Variants in GNE observed in about 807,000 individuals in gnomAD.
The protein encoded by GNE is glucosamine (UDP-N-acetyl)-2-epimerase/N-acetylmannosamine kinase.
Under a neutral mutation model 61.8 loss-of-function variants are expected in GNE, and 41 were observed. That is an observed-to-expected ratio of 0.66 (90% confidence interval 0.52 to 0.86). GNE has a LOEUF of 0.86. GNE is among the 40% of genes least tolerant of loss of function. GNE has a pLI of 0.00. For missense variants in GNE, 608 were observed against 909.1 expected (o/e 0.67, Z 4.26); for synonymous variants, 264 against 326.4 (o/e 0.81, Z 2.06).
chr9:36,226,924 A>G (rs1329873379), intron 7 of GNE, among the ~76,000 whole-genome samples: 4 of 152,178 alleles, frequency 2.6e-5, no homozygotes, highest in Admixed American at 2.6e-4. Context: ...AGTGATAGTA[A>G]TCAGCATACT....
chr9:36,226,375 G>C (rs896969494), intron 7 of GNE, among the ~76,000 whole-genome samples: 5 of 150,872 alleles, frequency 3.3e-5, no homozygotes, highest in Admixed American at 2.0e-4. Flanking sequence ...GTAGAAACAG[G>C]GTTTCACCAT....
intron 1 of GNE, among the ~76,000 whole-genome samples, chr9:36,257,839 T>TAAAAAAAA (rs1830445148): frequency 2.1e-5 from 2 of 95,898 alleles, no homozygotes; most frequent in African/African-American, 9.9e-5. Context: ...AAAAAAAAAT[T>TAAAAAAAA]GGGGTGAGGG....
Position 36,222,874 on chromosome 9 carries a change from C to T in GNE, c.1536G>A (p.Val512=). ...CACAGTTGCCATCATTGTCTACCCA[C>T]ACAGGGAGATGCAAAGTGTCAGAAA... ...TPLSDTLHLP[V]WVDNDGNCAA... The change falls in exon 9 of 12, where the codon GTG becomes GTA. Residue 512 remains valine (V), a synonymous_variant. Coordinates refer to ENST00000642385, the MANE Select transcript of GNE (RefSeq NM_005476.7). The T allele has an allele frequency of 6.2e-7, 1 of 1,614,180 alleles. No homozygotes were observed. Among genetic ancestry groups the T allele is most frequent in the East Asian group, 2.2e-5 (1 of 44,888 alleles).
At chr9:36,271,206 C>T (rs565567656) in intron 1 of GNE, among the ~76,000 whole-genome samples, 2 of 152,160 alleles carry the variant, frequency 1.3e-5, no homozygotes, top group Admixed American at 1.3e-4. Flanking sequence ...CTTTCTCTAC[C>T]TTTGTATCAT....
At position 36,270,548 on chromosome 9, in the gene GNE, C is replaced by T. The variant is rs535273889; in HGVS notation, c.51+6346G>A. On this transcript the variant is annotated intron_variant, in intron 1 of 11. Transcript: ENST00000396594. Reference sequence around the variant, plus strand: ...TTTTTTTTTTTTTGAGACGGAGTCTCGCTCTTTCGCCCAGGCCGTACTGCA... The same window carrying T: ...TTTTTTTTTTTTTGAGACGGAGTCTTGCTCTTTCGCCCAGGCCGTACTGCA... 1.6e-3 allele frequency among the ~76,000 whole-genome samples: 234 copies of T among 144,500 alleles called. 1 individual carries two copies. The highest frequency in any genetic ancestry group is 5.4e-3 in the African/African-American group (210 of 38,812). 94.8% of individuals were successfully genotyped at this position (144,500 alleles called of 152,430 possible).
At chr9:36,239,831 G>A (rs1036699158) in intron 3 of GNE, among the ~76,000 whole-genome samples, 7 of 151,528 alleles carry the variant, frequency 4.6e-5, no homozygotes, top group African/African-American at 1.7e-4. Context: ...TGACTCCTTG[G>A]TTAGGTATAT....
At chr9:36,262,872 G>A (rs533987450), upstream of GNE, among the ~76,000 whole-genome samples, 3 of 152,218 alleles carry the variant, frequency 2.0e-5, no homozygotes, top group Non-Finnish European at 4.4e-5. Flanking sequence ...AATTCTACCC[G>A]TGTATTTCGT....
Position 36,268,561 on chromosome 9 carries a change from G to A in GNE, c.51+8333C>T, listed in dbSNP as rs577122215. Reference sequence around the variant, plus strand: ...ATGCACCTGGAGTAACTAGCTACTCGGGAGGCTGAGGTGGGAGGATCACCT... The same window carrying A: ...ATGCACCTGGAGTAACTAGCTACTCAGGAGGCTGAGGTGGGAGGATCACCT... On this transcript the variant is annotated intron_variant, in intron 1 of 11. Coordinates refer to the GNE transcript ENST00000396594. 1.3e-4 allele frequency among the ~76,000 whole-genome samples: 20 copies of A among 151,724 alleles called. No homozygotes were observed. The South Asian group carries it at 2.1e-3, about 16-fold the overall frequency.
chr9:36,251,266 G>T (rs990277440), intron 1 of GNE, among the ~76,000 whole-genome samples: 1 of 151,986 alleles, frequency 6.6e-6, no homozygotes, highest in Non-Finnish European at 1.5e-5. Flanking sequence ...TTGCTGCCTC[G>T]CTCTGAGCGT....
intron 3 of GNE, among the ~76,000 whole-genome samples, chr9:36,238,839 T>G (rs902262513): frequency 9.8e-5 from 15 of 152,308 alleles, no homozygotes; most frequent in African/African-American, 3.4e-4. Context: ...GGTTTTCCCA[T>G]GTAATCTTCT....
Position 36,223,432 on chromosome 9 carries a change from T to C in GNE, c.1352A>G (p.Gln451Arg), listed in dbSNP as rs1828698882. ...TTCTGCTGCAGCTTCCACACACATC[T>C]GTAGGATTAAATTAATCCTCTCTTC... is the stretch of plus-strand genomic sequence containing the variant. ...TYEERINLILQMCVEAAAEAV... is the reference protein window; with the variant it reads ...TYEERINLILRMCVEAAAEAV... The change falls in exon 8 of 12, where the codon CAG becomes CGG. Residue 451 changes from glutamine (Q) to arginine (R), a missense_variant. Transcript: ENST00000642385. 1 of 1,610,218 alleles carries C rather than the reference T, an allele frequency of 6.2e-7. No individual in the cohort carries two copies. Among genetic ancestry groups the C allele is most frequent in the African/African-American group, 1.3e-5 (1 of 74,858 alleles).
chr9:36,219,125 C>T (rs994041448), intron 10 of GNE, among the ~76,000 whole-genome samples: 4 of 152,146 alleles, frequency 2.6e-5, no homozygotes, highest in East Asian at 1.9e-4. Flanking sequence ...TCTCTGACTG[C>T]GCTTTTCTAT....
chr9:36,228,032 CAA>C (rs1385568208), intron 6 of GNE, among the ~76,000 whole-genome samples: 1 of 46,900 alleles, frequency 2.1e-5, no homozygotes, highest in Non-Finnish European at 4.8e-5. Flanking sequence ...GACTCCGTCT[CAA>C]AAAAAAAAAA....
At chr9:36,236,456 T>G (rs992091887) in intron 4 of GNE, among the ~76,000 whole-genome samples, 4 of 152,186 alleles carry the variant, frequency 2.6e-5, no homozygotes, top group African/African-American at 9.6e-5. Context: ...TGCCTCGGCC[T>G]CCCAAAGTGC....
chr9:36,219,701 G>A (rs146543087), intron 10 of GNE, 137 bp downstream of exon 10: 63 of 778,382 alleles, frequency 8.1e-5, no homozygotes, highest in African/African-American at 7.5e-4. Flanking sequence ...GTTTTAGTGC[G>A]AGGGAGCCCT....
chr9:36,276,745 G>C, intron 1 of GNE: 1 of 633,908 alleles, frequency 1.6e-6, no homozygotes, highest in Non-Finnish European at 2.7e-6. Flanking sequence ...ACTAAACTGA[G>C]TTAGCAGTAA....
At chr9:36,238,790 T>C (rs1189048595) in intron 3 of GNE, among the ~76,000 whole-genome samples, 3 of 152,222 alleles carry the variant, frequency 2.0e-5, no homozygotes, top group Non-Finnish European at 4.4e-5. Context: ...TTTTGGGTTC[T>C]TGGTCATGAA....
upstream of GNE, among the ~76,000 whole-genome samples, chr9:36,260,117 C>T (rs1034821998): frequency 2.6e-5 from 4 of 151,772 alleles, no homozygotes; most frequent in East Asian, 1.9e-4. Context: ...GGGAAAAAGA[C>T]TCAAGAATGA....
chr9:36,258,984 T>C (rs934967541), upstream of GNE, among the ~76,000 whole-genome samples: 1 of 152,122 alleles, frequency 6.6e-6, no homozygotes. Context: ...CGGCCTCCAC[T>C]ACAGGGAACT....
Sources: gnomAD v4.1 joint callset for allele counts (sites outside exome capture counted in the v4.1 genomes callset) on GRCh38, gnomAD v4.1.1 for gene constraint, MANE v1.5 for transcripts, NCBI Gene and HGNC (gene_info 2026-07-23, HGNC 2026-07-21) for gene names.